The following AP3S2 variants were observed in gnomAD, a reference collection of about 807,000 sequenced individuals.
The protein encoded by AP3S2 is AP-3 complex subunit sigma-2.
A neutral mutation model predicts 23.4 loss-of-function variants in AP3S2; 22 were observed. That is an observed-to-expected ratio of 0.94 (90% CI 0.67 to 1.34). The LOEUF is 1.34. Ranked by LOEUF, AP3S2 falls within the 40% of genes most tolerant of loss-of-function variation. The probability of loss-of-function intolerance (pLI) is 0.00; values close to 1 mark genes in which losing one functional copy is unlikely to be tolerated. For missense variants in AP3S2, 241 were observed against 236.9 expected (o/e 1.02, Z -0.11); for synonymous variants, 86 against 87.1 (o/e 0.99, Z 0.07).
At chr15:89,835,703 A>AG in intron 5 of AP3S2, 60 bp from the exon 6 acceptor site, 1 of 62,748 alleles carries the variant, frequency 1.6e-5, no homozygotes, top group Non-Finnish European at 2.1e-5. Context: ...CTTAATGCTA[A>AG]AAAAAAAAAA....
chr15:89,869,739 T>C (rs969009598), intron 4 of AP3S2, among the ~76,000 whole-genome samples: 39 of 152,088 alleles, frequency 2.6e-4, no homozygotes, highest in Non-Finnish European at 4.7e-4. Context: ...AGTAACACCT[T>C]GTATTTAACA....
At chr15:89,859,954 C>T (rs1236151317) in intron 4 of AP3S2, among the ~76,000 whole-genome samples, 2 of 151,854 alleles carry the variant, frequency 1.3e-5, no homozygotes, top group Non-Finnish European at 2.9e-5. Context: ...TTAGTAGAGA[C>T]AGGGTTTCAC....
intron 3 of AP3S2, among the ~76,000 whole-genome samples, chr15:89,877,810 A>T (rs925754514): frequency 6.6e-6 from 1 of 152,058 alleles, no homozygotes; most frequent in African/African-American, 2.4e-5. Context: ...AAAAAAAATT[A>T]AAAAAAAGAA....
chr15:89,882,484 T>A (rs1896595237), intron 3 of AP3S2, among the ~76,000 whole-genome samples: 1 of 151,872 alleles, frequency 6.6e-6, no homozygotes, highest in African/African-American at 2.4e-5. Flanking sequence ...GCCTCCTGAG[T>A]AGCTACGATT....
intron 3 of AP3S2, among the ~76,000 whole-genome samples, chr15:89,871,884 G>A (rs1896327513): frequency 6.6e-6 from 1 of 152,066 alleles, no homozygotes; most frequent in African/African-American, 2.4e-5. Context: ...CAAGGCAGGA[G>A]GATCACTTGA....
At chr15:89,854,894 TGGG>T (rs1175002944) in intron 4 of AP3S2, among the ~76,000 whole-genome samples, 150 of 1,540 alleles carry the variant, frequency 0.097, 32 homozygotes, top group African/African-American at 0.16. Context: ...GGGAGGGAGG[TGGG>T]GGGGGGGGGG....
chr15:89,873,319 C>G (rs1299500694), intron 3 of AP3S2, among the ~76,000 whole-genome samples: 1 of 147,372 alleles, frequency 6.8e-6, no homozygotes, highest in African/African-American at 2.5e-5. Flanking sequence ...GACTCTCGCT[C>G]TGTTGTCCAC....
At chr15:89,868,664 C>T (rs1440138526) in intron 4 of AP3S2, among the ~76,000 whole-genome samples, 2 of 117,158 alleles carry the variant, frequency 1.7e-5, no homozygotes, top group Non-Finnish European at 3.6e-5. Context: ...CCCCTCTGCC[C>T]GGCCAGCCGC....
At chr15:89,868,114 T>C (rs1345757309) in intron 4 of AP3S2, among the ~76,000 whole-genome samples, 3 of 95,128 alleles carry the variant, frequency 3.2e-5, no homozygotes, top group African/African-American at 7.8e-5. Flanking sequence ...GGGAGGGAGA[T>C]GGGGGGGTCA....
At chr15:89,869,580 AAAAAAAG>A (rs886154049) in intron 4 of AP3S2, among the ~76,000 whole-genome samples, 1 of 150,872 alleles carries the variant, frequency 6.6e-6, no homozygotes, top group African/African-American at 2.4e-5. Context: ...AAAAAAAAAA[AAAAAAAG>A]AAAACTCCCC....
intron 4 of AP3S2, among the ~76,000 whole-genome samples, chr15:89,868,583 A>G (rs71410518): frequency 2.3e-3 from 171 of 74,690 alleles, no homozygotes; most frequent in Non-Finnish European, 2.8e-3. Flanking sequence ...TCAGCCCTCC[A>G]CCCGGCCAGC....
At chr15:89,838,455 C>T (rs181571648) in intron 4 of AP3S2, among the ~76,000 whole-genome samples, 8 of 152,338 alleles carry the variant, frequency 5.3e-5, no homozygotes, top group African/African-American at 1.9e-4. Flanking sequence ...AAAGCTGAAT[C>T]TCAGTGTACC....
chr15:89,835,106 T>G lies in AP3S2; in HGVS notation c.*409A>C. On this transcript the variant is annotated 3_prime_UTR_variant, in exon 6 of 6. Transcript: ENST00000336418. ...CCTCAGAAGTCTGTGGTGCTAAGGA[T>G]GAAGACTCTACTCAGAGAAGGTGCT... 4.6e-6 allele frequency: 1 copy of G among 218,348 alleles called. No individual in the cohort carries two copies. Among genetic ancestry groups the G allele is most frequent in the Non-Finnish European group, 8.9e-6 (1 of 111,780 alleles). The allele number at this position is 218,348 out of a possible 1,614,324, so 13.5% of individuals were successfully genotyped here. A position where few individuals can be genotyped will look rare whatever the true frequency, so the allele number is the denominator to read the frequency against.
At chr15:89,852,071 G>A (rs547795290) in intron 4 of AP3S2, among the ~76,000 whole-genome samples, 13 of 151,774 alleles carry the variant, frequency 8.6e-5, no homozygotes, top group Admixed American at 1.3e-4. Context: ...TAGAGGGAGC[G>A]GGTCCATAAT....
chr15:89,878,867 C>G (rs1309410180), intron 3 of AP3S2, among the ~76,000 whole-genome samples: 2 of 152,244 alleles, frequency 1.3e-5, no homozygotes, highest in Non-Finnish European at 2.9e-5. Flanking sequence ...CCGCCTCAGC[C>G]TCCTGAGCAG....
At chr15:89,878,160 G>C in intron 3 of AP3S2, 1 of 539,166 alleles carries the variant, frequency 1.9e-6, no homozygotes, top group Non-Finnish European at 3.2e-6. Flanking sequence ...CTTGCCACTG[G>C]TACATAATCC....
At chr15:89,868,927 GC>G (rs1178799840) in intron 4 of AP3S2, among the ~76,000 whole-genome samples, 3 of 125,658 alleles carry the variant, frequency 2.4e-5, no homozygotes, top group Non-Finnish European at 3.3e-5. Flanking sequence ...CCGGCCAGCC[GC>G]CCCGTCCGGG....
chr15:89,870,575 C>T (rs1896295774), intron 4 of AP3S2, among the ~76,000 whole-genome samples: 1 of 152,148 alleles, frequency 6.6e-6, no homozygotes, highest in Non-Finnish European at 1.5e-5. Context: ...TCAACTAAGA[C>T]TGAAGACCCT....
At chr15:89,881,880 G>A (rs993159257) in intron 3 of AP3S2, among the ~76,000 whole-genome samples, 5 of 151,672 alleles carry the variant, frequency 3.3e-5, no homozygotes, top group Admixed American at 6.6e-5. Context: ...GAGCGCAATG[G>A]CACGATCTCA....
Sources: allele counts gnomAD v4.1 joint callset (sites outside exome capture counted in the v4.1 genomes callset), GRCh38; gene constraint gnomAD v4.1.1; transcripts MANE v1.5; gene names NCBI Gene and HGNC (gene_info 2026-07-23, HGNC 2026-07-21).